Variants in NTN1 observed in about 807,000 individuals in gnomAD.
The protein encoded by NTN1 is netrin-1.
NTN1 carries 11 observed loss-of-function variants against 54.2 expected under a neutral mutation model. That is an observed-to-expected ratio of 0.20 (90% CI 0.13 to 0.34). The LOEUF (loss-of-function observed/expected upper bound fraction) is 0.34, where lower values mean the gene tolerates loss of function less well. NTN1 is among the 10% of genes least tolerant of loss of function. The pLI is 1.00. For synonymous variants in NTN1, 371 were observed against 382.0 expected (o/e 0.97, Z 0.33); for missense variants, 740 against 893.1 (o/e 0.83, Z 2.18).
intron 6 of NTN1, among the ~76,000 whole-genome samples, chr17:9,228,623 T>G (rs1905679307): frequency 1.3e-5 from 2 of 152,226 alleles, no homozygotes; most frequent in Admixed American, 6.5e-5. Flanking sequence ...GAAAAGTTAT[T>G]CGTTCCCAGA....
intron 3 of NTN1, among the ~76,000 whole-genome samples, chr17:9,169,005 C>A (rs937937576): frequency 1.1e-4 from 17 of 152,200 alleles, no homozygotes; most frequent in Admixed American, 3.3e-4. Flanking sequence ...TTAGATACTG[C>A]ATTTGGGAGA....
chr17:9,140,015 T>TAA lies in NTN1; in HGVS notation c.1019-22797_1019-22796insAA, dbSNP rs891977344. Among the ~76,000 whole-genome samples, 5 of 152,050 alleles carry TAA rather than the reference T, an allele frequency of 3.3e-5. No individual in the cohort carries two copies. The South Asian group carries it at 1.0e-3, about 32-fold the overall frequency. ...CAACCCTTACTCTGTGGTCCACTCT[T>TAA]ATACTTTCAGTTTGCTTCTATTTTT... On this transcript the variant is annotated intron_variant, in intron 2 of 6. Coordinates refer to ENST00000173229, the MANE Select transcript of NTN1 (RefSeq NM_004822.3).
rs1170318666 is a variant in NTN1 at position 9,240,037 on chromosome 17, C to T, written c.*69C>T. On this transcript the variant is annotated 3_prime_UTR_variant, in exon 7 of 7. Transcript: ENST00000173229. Reference sequence around the variant, plus strand: ...GCCGAGCGAGAGCGGGCGCCTTGGCCCGGCCGCCGCGGACTTGGCCCGCGA... The same window carrying T: ...GCCGAGCGAGAGCGGGCGCCTTGGCTCGGCCGCCGCGGACTTGGCCCGCGA... The T allele has an allele frequency of 1.9e-6, 2 of 1,068,486 alleles. No individual in the cohort carries two copies. Among genetic ancestry groups the T allele is most frequent in the South Asian group, 4.6e-5 (1 of 21,826 alleles). The allele number at this position is 1,068,486 out of a possible 1,614,324, so 66.2% of individuals were successfully genotyped here. A position where few individuals can be genotyped will look rare whatever the true frequency, so the allele number is the denominator to read the frequency against.
At chr17:9,153,838 G>A (rs2092334586) in intron 2 of NTN1, among the ~76,000 whole-genome samples, 1 of 152,154 alleles carries the variant, frequency 6.6e-6, no homozygotes, top group Non-Finnish European at 1.5e-5. Flanking sequence ...AGTCCCATGG[G>A]ACATCCTTAC....
At chr17:9,188,987 A>G (rs11078792) in intron 5 of NTN1, among the ~76,000 whole-genome samples, 20,420 of 152,224 alleles carry the variant, frequency 0.13, 1,595 homozygotes, top group East Asian at 0.38. Context: ...ATAAATGACC[A>G]GTGAAGTCAT....
intron 2 of NTN1, among the ~76,000 whole-genome samples, chr17:9,042,524 C>T (rs2091925787): frequency 6.7e-6 from 1 of 149,906 alleles, no homozygotes; most frequent in African/African-American, 2.4e-5. Flanking sequence ...CGCGGTGGCT[C>T]ACGCCTGTAA....
intron 2 of NTN1, among the ~76,000 whole-genome samples, chr17:9,038,332 T>C (rs959351228): frequency 6.7e-6 from 1 of 148,830 alleles, no homozygotes; most frequent in African/African-American, 2.5e-5. Context: ...ATAACACTCA[T>C]ACCACCTAAG....
chr17:9,228,485 C>G (rs186659665), intron 6 of NTN1, among the ~76,000 whole-genome samples: 1 of 152,116 alleles, frequency 6.6e-6, no homozygotes, highest in East Asian at 1.9e-4. Flanking sequence ...ATCCACGCCC[C>G]GATCCCCTGC....
chr17:9,142,701 G>A (rs531775024), intron 2 of NTN1, among the ~76,000 whole-genome samples: 4 of 152,120 alleles, frequency 2.6e-5, no homozygotes, highest in African/African-American at 9.6e-5. Flanking sequence ...ATGTCTCTAG[G>A]CCCTGGGGTT....
At chr17:9,017,623 G>T (rs535629182), upstream of NTN1, among the ~76,000 whole-genome samples, 1 of 152,136 alleles carries the variant, frequency 6.6e-6, no homozygotes, top group African/African-American at 2.4e-5. Context: ...TGCCAGGAAC[G>T]GTGTTTCCGC....
At chr17:9,153,111 A>G (rs571891373) in intron 2 of NTN1, among the ~76,000 whole-genome samples, 10 of 152,290 alleles carry the variant, frequency 6.6e-5, no homozygotes, top group Middle Eastern at 3.4e-3. Flanking sequence ...TTTACTAAAA[A>G]TACAAAAATG....
chr17:9,067,506 A>G (rs1035511010), intron 2 of NTN1, among the ~76,000 whole-genome samples: 1 of 152,184 alleles, frequency 6.6e-6, no homozygotes, highest in Non-Finnish European at 1.5e-5. Context: ...TTTGACTTAA[A>G]TGCACCCGGG....
chr17:9,102,224 G>A (rs1228103681), intron 2 of NTN1, among the ~76,000 whole-genome samples: 3 of 152,190 alleles, frequency 2.0e-5, no homozygotes, highest in Admixed American at 6.5e-5. Flanking sequence ...AGACATACCC[G>A]AGACTGGGTA....
At chr17:9,202,971 G>C (rs1904846714) in intron 5 of NTN1, among the ~76,000 whole-genome samples, 1 of 152,070 alleles carries the variant, frequency 6.6e-6, no homozygotes, top group African/African-American at 2.4e-5. Flanking sequence ...GGCCAGGCTA[G>C]AGTGCAGTGG....
intron 2 of NTN1, among the ~76,000 whole-genome samples, chr17:9,129,899 C>A (rs1233769612): frequency 2.0e-5 from 3 of 152,196 alleles, no homozygotes; most frequent in Admixed American, 1.3e-4. Flanking sequence ...CTCAGCCCAA[C>A]AGAGTCTGAA....
At chr17:9,171,461 G>GAT (rs1428832685) in intron 3 of NTN1, 1 of 152,250 alleles carries the variant, frequency 6.6e-6, no homozygotes, top group Non-Finnish European at 1.5e-5. Context: ...TTGCATGCTA[G>GAT]ACATGGGCCC....
intron 2 of NTN1, among the ~76,000 whole-genome samples, chr17:9,103,017 G>C (rs1009708767): frequency 6.6e-6 from 1 of 152,162 alleles, no homozygotes; most frequent in East Asian, 1.9e-4. Flanking sequence ...TGGTGAGTGT[G>C]GGGGGATAGT....
intron 3 of NTN1, among the ~76,000 whole-genome samples, chr17:9,168,794 G>A (rs2092379742): frequency 6.6e-6 from 1 of 152,150 alleles, no homozygotes; most frequent in South Asian, 2.1e-4. Context: ...GAATATGTGG[G>A]TCCCCTGTCA....
chr17:9,080,201 T>C (rs1263275078), intron 2 of NTN1, among the ~76,000 whole-genome samples: 1 of 152,248 alleles, frequency 6.6e-6, no homozygotes, highest in Non-Finnish European at 1.5e-5. Context: ...CCAATGACCT[T>C]CGTAGCTAAA....
Sources: allele counts gnomAD v4.1 joint callset (sites outside exome capture counted in the v4.1 genomes callset), GRCh38; gene constraint gnomAD v4.1.1; transcripts MANE v1.5; gene names NCBI Gene and HGNC (gene_info 2026-07-23, HGNC 2026-07-21).